ZNF326: variants seen among roughly 807,000 people sequenced by gnomAD.
The protein encoded by ZNF326 is DBIRD complex subunit ZNF326.
ZNF326 carries 30 observed loss-of-function variants against 63.1 expected under a neutral mutation model. The observed-to-expected ratio is 0.48, with a 90% CI of 0.36 to 0.64. The LOEUF (loss-of-function observed/expected upper bound fraction) is 0.64. Ranked by LOEUF, ZNF326 falls within the 30% of genes least tolerant of loss-of-function variation. The probability of loss-of-function intolerance (pLI) is 0.00; values close to 1 mark genes in which losing one functional copy is unlikely to be tolerated. For synonymous variants in ZNF326, 194 were observed against 228.2 expected (o/e 0.85, Z 1.35); for missense variants, 609 against 720.3 (o/e 0.85, Z 1.77).
chr1:90,018,671 A>ATTTTT lies in ZNF326; in HGVS notation c.1075-10_1075-9insTTTTT. ...ATTGAAAGCTATTTAGATTCTTTCT[A>ATTTTT]TTTTGTTTTCTAGGAGTGTATGGTG... On this transcript the variant is annotated splice_polypyrimidine_tract_variant and intron_variant, in intron 8 of 11. Coordinates refer to ENST00000340281, the MANE Select transcript of ZNF326 (RefSeq NM_182976.4). 1 of 1,492,470 alleles carries ATTTTT rather than the reference A, an allele frequency of 6.7e-7. No homozygotes were observed. The highest frequency in any genetic ancestry group is 9.2e-7 in the Non-Finnish European group (1 of 1,092,772). 92.5% of individuals were successfully genotyped at this position (1,492,470 alleles called of 1,614,324 possible).
At chr1:90,013,975 C>T (rs1297299431) in intron 7 of ZNF326, among the ~76,000 whole-genome samples, 3 of 151,466 alleles carry the variant, frequency 2.0e-5, no homozygotes, top group African/African-American at 7.3e-5. Context: ...TGAGGCGGGA[C>T]GATGGCGTGA....
intron 8 of ZNF326, 45 bp downstream of exon 8, chr1:90,017,509 T>C: frequency 1.3e-6 from 2 of 1,509,876 alleles, no homozygotes; most frequent in Non-Finnish European, 1.8e-6. Flanking sequence ...TTGATATGAA[T>C]TTCTTATGAT....
intron 11 of ZNF326, among the ~76,000 whole-genome samples, chr1:90,022,818 CAA>C (rs779876407): frequency 6.6e-6 from 1 of 152,166 alleles, no homozygotes; most frequent in Non-Finnish European, 1.5e-5. Context: ...TAGGAAGACC[CAA>C]AAGAGGGGAC....
At position 90,027,623 on chromosome 1, in the gene ZNF326, G is replaced by A; in HGVS notation, c.1671G>A (p.Glu557=). The change falls in exon 12 of 12, where the codon GAG becomes GAA. Residue 557 remains glutamate (E), a synonymous_variant. Transcript: ENST00000340281. Reference sequence around the variant, plus strand: ...AAGTAGAGGGAGTGGGGGAAGTAGAGGAAGTAGAGGAATTAGAGGAAGAGA... The same window carrying A: ...AAGTAGAGGGAGTGGGGGAAGTAGAAGAAGTAGAGGAATTAGAGGAAGAGA... The part of the protein sequence containing the change: ...VGEVEGVGEV[E]EVEELEEETA... 6.2e-7 allele frequency: 1 copy of A among 1,613,742 alleles called. No homozygotes were observed. Among genetic ancestry groups the A allele is most frequent in the Non-Finnish European group, 8.5e-7 (1 of 1,179,876 alleles).
intron 6 of ZNF326, among the ~76,000 whole-genome samples, chr1:90,011,394 T>A (rs969618420): frequency 1.4e-4 from 22 of 152,250 alleles, no homozygotes; most frequent in African/African-American, 5.3e-4. Context: ...GTCATAGTTT[T>A]AGCATATGAA....
chr1:90,018,761 TA>T lies in ZNF326; in HGVS notation c.1153del (p.Ile385LeufsTer11). The T allele has an allele frequency of 6.4e-7, 1 of 1,557,122 alleles. No homozygotes were observed. The highest frequency in any genetic ancestry group is 1.2e-5 in the South Asian group (1 of 84,242). The stretch of plus-strand genomic sequence containing the variant: ...AATAATCAAACAGAAGTAGTTAAAA[TA>T]ATTGAAAAAGATGTTATGGAAGGTA... ...QTNNQTEVVK[I>X]IEKDVMEGVT... is the part of the protein sequence containing the mutation. On this transcript the variant is annotated frameshift_variant, in exon 9 of 12. Transcript: ENST00000340281. LOFTEE classifies it high-confidence loss of function.
chr1:90,010,523 C>T (rs1267832050), intron 6 of ZNF326, among the ~76,000 whole-genome samples: 4 of 151,992 alleles, frequency 2.6e-5, no homozygotes, highest in Non-Finnish European at 5.9e-5. Context: ...GGTTGTGTAT[C>T]AAACCCTCTA....
At chr1:90,009,149 A>G (rs1301384910) in intron 5 of ZNF326, among the ~76,000 whole-genome samples, 1 of 152,122 alleles carries the variant, frequency 6.6e-6, no homozygotes, top group Non-Finnish European at 1.5e-5. Flanking sequence ...ATAAACAAGT[A>G]TTCCTGTACT....
chr1:90,021,032 A>C, intron 10 of ZNF326, 110 bp downstream of exon 10: 760 of 1,140,558 alleles, frequency 6.7e-4, no homozygotes, highest in Middle Eastern at 9.0e-4. Flanking sequence ...TATCAATCTC[A>C]TATGGAAATA....
intron 9 of ZNF326, 78 bp downstream of exon 9, chr1:90,018,862 G>A: frequency 1.3e-6 from 1 of 794,146 alleles, no homozygotes; most frequent in Non-Finnish European, 1.9e-6. Flanking sequence ...GTAAATGATA[G>A]CCACTAGAGT....
At chr1:90,011,519 T>G (rs1570306193) in intron 6 of ZNF326, among the ~76,000 whole-genome samples, 1 of 129,852 alleles carries the variant, frequency 7.7e-6, no homozygotes, top group Admixed American at 7.2e-5. Flanking sequence ...TAGTTAAGTT[T>G]TTTTTTTTTT....
Position 90,034,164 on chromosome 1 carries a change from C to T in ZNF326, c.*6463C>T, listed in dbSNP as rs1650396930. ...CTGTTCGTTGGAGTGCTACAACATACTGCTATTTTTGAAGTTCTGAGGGAG... is the reference window on the plus strand; with the variant it reads ...CTGTTCGTTGGAGTGCTACAACATATTGCTATTTTTGAAGTTCTGAGGGAG... On this transcript the variant is annotated 3_prime_UTR_variant, in exon 12 of 12. Coordinates refer to ENST00000340281, the MANE Select transcript of ZNF326 (RefSeq NM_182976.4). 6.6e-6 allele frequency: 1 copy of T among 152,162 alleles called. No homozygotes were observed. Among genetic ancestry groups the T allele is most frequent in the Admixed American group, 6.5e-5 (1 of 15,272 alleles). The allele number at this position is 152,162 out of a possible 1,614,324, so 9.4% of individuals were successfully genotyped here. A position where few individuals can be genotyped will look rare whatever the true frequency, so the allele number is the denominator to read the frequency against.
intron 11 of ZNF326, among the ~76,000 whole-genome samples, chr1:90,022,811 G>A (rs947862746): frequency 6.6e-6 from 1 of 152,142 alleles, no homozygotes; most frequent in Admixed American, 6.5e-5. Context: ...CTGTCACTAG[G>A]AAGACCCAAA....
chr1:90,015,637 G>A (rs373834284), intron 7 of ZNF326, among the ~76,000 whole-genome samples: 67 of 152,116 alleles, frequency 4.4e-4, no homozygotes, highest in Middle Eastern at 3.4e-3. Context: ...TTGAGATCGC[G>A]CCACTGCACT....
In ZNF326 at chr1:90,032,599, A is replaced by G. The variant is rs1650324613; in HGVS notation, c.*4898A>G. Reference sequence around the variant, plus strand: ...ATTTCTAGAAGATACAAAACAAGGAATTAGATCTTGGTGAAACCAAGAGAG... The same window carrying G: ...ATTTCTAGAAGATACAAAACAAGGAGTTAGATCTTGGTGAAACCAAGAGAG... On this transcript the variant is annotated 3_prime_UTR_variant, in exon 12 of 12. Coordinates refer to ENST00000340281, the MANE Select transcript of ZNF326 (RefSeq NM_182976.4). 6.6e-6 allele frequency: 1 copy of G among 152,204 alleles called. No individual in the cohort carries two copies. The highest frequency in any genetic ancestry group is 2.4e-5 in the African/African-American group (1 of 41,444). The allele number at this position is 152,204 out of a possible 1,614,324, so 9.4% of individuals were successfully genotyped here. A position where few individuals can be genotyped will look rare whatever the true frequency, so the allele number is the denominator to read the frequency against.
intron 4 of ZNF326, chr1:90,005,684 A>G (rs1403446424): frequency 5.3e-5 from 52 of 985,086 alleles, no homozygotes; most frequent in Non-Finnish European, 6.3e-5. Flanking sequence ...TTACTGAACC[A>G]GTCTAACATT....
At chr1:90,015,220 A>C (rs888665546) in intron 7 of ZNF326, among the ~76,000 whole-genome samples, 1 of 152,182 alleles carries the variant, frequency 6.6e-6, no homozygotes, top group Non-Finnish European at 1.5e-5. Context: ...CTTCCCTTGG[A>C]TATTTGAATG....
intron 7 of ZNF326, among the ~76,000 whole-genome samples, chr1:90,015,747 A>G (rs1029459411): frequency 2.0e-5 from 3 of 152,132 alleles, no homozygotes; most frequent in African/African-American, 7.2e-5. Context: ...TAGTATTTGA[A>G]TTGATCTGGG....
chr1:90,019,792 A>G (rs145849403), intron 9 of ZNF326, among the ~76,000 whole-genome samples: 121 of 152,238 alleles, frequency 7.9e-4, no homozygotes, highest in African/African-American at 2.8e-3. Flanking sequence ...CAGCAGTCAC[A>G]CAAAATCAAC....
Sources: gnomAD v4.1 joint callset for allele counts (sites outside exome capture counted in the v4.1 genomes callset) on GRCh38, gnomAD v4.1.1 for gene constraint, MANE v1.5 for transcripts, NCBI Gene and HGNC (gene_info 2026-07-23, HGNC 2026-07-21) for gene names.